TMTC2: variants seen among roughly 807,000 people sequenced by gnomAD.
TMTC2 encodes the protein transmembrane O-mannosyltransferase targeting cadherins 2.
Under a neutral mutation model 82.4 loss-of-function variants are expected in TMTC2, and 43 were observed. That is an observed-to-expected ratio of 0.52 (90% CI 0.41 to 0.67). TMTC2 has a LOEUF of 0.67. Ranked by LOEUF, TMTC2 falls within the 30% of genes least tolerant of loss-of-function variation. The pLI is 0.00. For missense variants in TMTC2, 919 were observed against 1,012.4 expected (o/e 0.91, Z 1.25); for synonymous variants, 408 against 381.9 (o/e 1.07, Z -0.80).
At chr12:83,009,691 G>A (rs897013449) in intron 8 of TMTC2, among the ~76,000 whole-genome samples, 1 of 152,082 alleles carries the variant, frequency 6.6e-6, no homozygotes, top group Non-Finnish European at 1.5e-5. Flanking sequence ...GTACTCTTGA[G>A]ACACTTTCAA....
intron 4 of TMTC2, among the ~76,000 whole-genome samples, chr12:82,948,644 A>G (rs1315930274): frequency 2.0e-5 from 3 of 152,190 alleles, no homozygotes; most frequent in African/African-American, 4.8e-5. Flanking sequence ...GACTTTCATT[A>G]GTGCACTGCT....
chr12:83,104,678 C>G (rs1047760045), intron 11 of TMTC2, among the ~76,000 whole-genome samples: 6 of 152,276 alleles, frequency 3.9e-5, no homozygotes, highest in African/African-American at 1.4e-4. Context: ...GAATTATGAG[C>G]CTGTGGTGAG....
At chr12:83,005,119 A>C (rs1682587) in intron 8 of TMTC2, among the ~76,000 whole-genome samples, 1 of 149,926 alleles carries the variant, frequency 6.7e-6, no homozygotes, top group African/African-American at 2.5e-5. Context: ...CAGGAGAATC[A>C]CTTGAACTCG....
intron 1 of TMTC2, among the ~76,000 whole-genome samples, chr12:82,806,480 A>T (rs1463796174): frequency 6.6e-6 from 1 of 152,142 alleles, no homozygotes; most frequent in East Asian, 1.9e-4. Flanking sequence ...TAGATACGGA[A>T]CGTGGATATA....
At chr12:82,758,055 C>T (rs898887577) in intron 1 of TMTC2, among the ~76,000 whole-genome samples, 9 of 152,006 alleles carry the variant, frequency 5.9e-5, no homozygotes, top group African/African-American at 2.2e-4. Flanking sequence ...TTGTGTGGTC[C>T]TGTTATCACT....
chr12:83,038,994 C>T (rs753344753), intron 9 of TMTC2, among the ~76,000 whole-genome samples: 35 of 142,216 alleles, frequency 2.5e-4, no homozygotes, highest in Admixed American at 3.7e-4. Flanking sequence ...TGCAGTGGCG[C>T]GATCTCAGCT....
rs1337872418 is a variant in TMTC2, at chr12:82,976,119, T to C, written c.1948+9122T>C. ...ACACACACAATCTCACTCTATACTT[T>C]TTGAAAATTCTGAGCATTTAATAGA... On this transcript the variant is annotated intron_variant, in intron 7 of 11. Transcript: ENST00000321196. Among the ~76,000 whole-genome samples, 3 of 152,230 alleles carry C rather than the reference T, an allele frequency of 2.0e-5. No individual in the cohort carries two copies. In the East Asian group the frequency reaches 5.8e-4, roughly 29 times the overall value.
intron 1 of TMTC2, among the ~76,000 whole-genome samples, chr12:82,788,852 G>C (rs1878315052): frequency 6.6e-6 from 1 of 152,026 alleles, no homozygotes; most frequent in African/African-American, 2.4e-5. Flanking sequence ...TCAGAACCAA[G>C]AGGTTCTGAA....
intron 4 of TMTC2, among the ~76,000 whole-genome samples, chr12:82,956,137 T>C (rs560021201): frequency 7.9e-5 from 12 of 152,246 alleles, no homozygotes; most frequent in Admixed American, 5.2e-4. Flanking sequence ...CACTTAAGTA[T>C]ATAGCCCACA....
intron 11 of TMTC2, among the ~76,000 whole-genome samples, chr12:83,116,601 TA>T (rs1295994952): frequency 1.3e-5 from 2 of 152,238 alleles, no homozygotes; most frequent in Admixed American, 6.5e-5. Context: ...CAACATCTAC[TA>T]TTTTGATTTT....
chr12:82,871,766 G>A (rs748703221), intron 2 of TMTC2, among the ~76,000 whole-genome samples: 8 of 145,878 alleles, frequency 5.5e-5, no homozygotes, highest in Non-Finnish European at 9.0e-5. Context: ...GTTTAGAGTC[G>A]GTGTCCATTT....
intron 11 of TMTC2, among the ~76,000 whole-genome samples, chr12:83,074,827 G>A (rs779891441): frequency 1.6e-4 from 25 of 152,052 alleles, no homozygotes; most frequent in Non-Finnish European, 2.1e-4. Flanking sequence ...TTCTTCCCCC[G>A]CCTTTGGAGT....
Position 82,696,963 on chromosome 12 carries a change from C to CATATATATATATATATATATATATATAT in TMTC2, c.83+9294_83+9295insATATATATATATATATATATATATATAT, listed in dbSNP as rs1491534159. ...AGCTCTCTTTCTACATACATACATA[C>CATATATATATATATATATATATATATAT]GTATATATATATATATATATGTTTC... On this transcript the variant is annotated intron_variant, in intron 1 of 11. Transcript: ENST00000321196. Among the ~76,000 whole-genome samples the CATATATATATATATATATATATATATAT allele has an allele frequency of 2.4e-3, 287 of 121,286 alleles. 4 individuals carry two copies. The highest frequency in any genetic ancestry group is 6.2e-3 in the Admixed American group (72 of 11,706). 79.6% of individuals were successfully genotyped at this position (121,286 alleles called of 152,430 possible). A position where few individuals can be genotyped will look rare whatever the true frequency, so the allele number is the denominator to read the frequency against.
At chr12:82,907,533 T>C (rs1020720937) in intron 3 of TMTC2, among the ~76,000 whole-genome samples, 1 of 151,584 alleles carries the variant, frequency 6.6e-6, no homozygotes, top group African/African-American at 2.4e-5. Flanking sequence ...ACTCTAATGA[T>C]TTCAAGTACA....
chr12:82,929,814 G>T (rs976908210), intron 3 of TMTC2, among the ~76,000 whole-genome samples: 1 of 152,116 alleles, frequency 6.6e-6, no homozygotes, highest in Admixed American at 6.5e-5. Context: ...GGAGAACAAA[G>T]GGTACACAGA....
chr12:83,112,397 T>A (rs969985535), intron 11 of TMTC2, among the ~76,000 whole-genome samples: 3 of 152,184 alleles, frequency 2.0e-5, no homozygotes, highest in Non-Finnish European at 4.4e-5. Flanking sequence ...AAGAAATTAC[T>A]ATTTAATTTC....
At chr12:82,813,003 A>C (rs1245387897) in intron 1 of TMTC2, among the ~76,000 whole-genome samples, 1 of 152,046 alleles carries the variant, frequency 6.6e-6, no homozygotes, top group Non-Finnish European at 1.5e-5. Context: ...TTCAGTGACA[A>C]ATTTTCAGAA....
chr12:83,116,504 A>C (rs1027986836), intron 11 of TMTC2, among the ~76,000 whole-genome samples: 3 of 152,218 alleles, frequency 2.0e-5, no homozygotes, highest in African/African-American at 7.2e-5. Context: ...TTCTTTAAGG[A>C]ATCTCCACAC....
At chr12:83,020,369 CT>C (rs1456343418) in intron 8 of TMTC2, among the ~76,000 whole-genome samples, 1 of 152,128 alleles carries the variant, frequency 6.6e-6, no homozygotes, top group Non-Finnish European at 1.5e-5. Context: ...AAAGCAGACA[CT>C]TTGGTTTGTA....
Sources: gnomAD v4.1 joint callset for allele counts (sites outside exome capture counted in the v4.1 genomes callset) on GRCh38, gnomAD v4.1.1 for gene constraint, MANE v1.5 for transcripts, NCBI Gene and HGNC (gene_info 2026-07-23, HGNC 2026-07-21) for gene names.